CHST3: variants seen among roughly 807,000 people sequenced by gnomAD.
CHST3 encodes the protein carbohydrate sulfotransferase 3, also known as C6ST-1.
In CHST3, 20 loss-of-function variants were observed where a neutral mutation model predicts 35.4. The ratio of observed to expected loss-of-function variants is 0.57; its 90% CI spans 0.40 to 0.82. The LOEUF is 0.82. Among genes scored for constraint, CHST3 ranks in the 40% least tolerant of loss-of-function variants. The pLI, the probability that CHST3 is intolerant of heterozygous loss-of-function variation, is 0.00. For missense variants in CHST3, 693 were observed against 670.1 expected, an observed-to-expected ratio of 1.03 and a Z score of -0.38; for synonymous variants, 334 against 295.9, an observed-to-expected ratio of 1.13 and a Z score of -1.32.
At chr10:71,999,786 G>A (rs1020843904) in intron 1 of CHST3, among the ~76,000 whole-genome samples, 1 of 152,240 alleles carries the variant, frequency 6.6e-6, no homozygotes, top group Non-Finnish European at 1.5e-5. Flanking sequence ...TCACGAGGGA[G>A]GCCTGAGCAG....
At position 72,008,915 on chromosome 10, in the gene CHST3, G is replaced by A. The variant is rs567149313; in HGVS notation, c.*444G>A. The A allele has an allele frequency of 6.2e-6, 1 of 160,356 alleles. No homozygotes were observed. Among genetic ancestry groups the A allele is most frequent in the African/African-American group, 2.4e-5 (1 of 41,686 alleles). 9.9% of individuals were successfully genotyped at this position (160,356 alleles called of 1,614,324 possible). On this transcript the variant is annotated 3_prime_UTR_variant, in exon 3 of 3. Coordinates refer to ENST00000373115, the MANE Select transcript of CHST3 (RefSeq NM_004273.5). ...ATGGTGAAGTCTGGAATCTGGGTGG[G>A]TCCTTGGAGGAGGGGCTAGGACAGC... is the stretch of plus-strand genomic sequence containing the variant.
Position 72,008,387 on chromosome 10 carries a change from C to A in CHST3, c.1356C>A (p.Gly452=). The A allele has an allele frequency of 6.4e-7, 1 of 1,569,780 alleles. No individual in the cohort carries two copies. ...GCGGCCCTGCCATGCGCCTCTTCGGCTACAAACTGGCGCGGGACGCCGCCG... is the reference window on the plus strand; with the variant it reads ...GCGGCCCTGCCATGCGCCTCTTCGGATACAAACTGGCGCGGGACGCCGCCG... ...AACGPAMRLF[G]YKLARDAAAL... Residue 452 remains glycine, a synonymous_variant, in exon 3 of 3, where the codon GGC becomes GGA. Transcript: ENST00000373115.
chr10:72,007,110 G>T, intron 2 of CHST3, 62 bp from the exon 3 acceptor site: 2 of 1,578,234 alleles, frequency 1.3e-6, no homozygotes, highest in Non-Finnish European at 8.6e-7. Context: ...GGACTGCTTA[G>T]GGTTGCCCAG....
intron 1 of CHST3, among the ~76,000 whole-genome samples, chr10:71,997,648 G>C (rs1433298776): frequency 6.6e-6 from 1 of 151,482 alleles, no homozygotes; most frequent in Non-Finnish European, 1.5e-5. Flanking sequence ...GAGAATACCA[G>C]CCTGGGCAAT....
At chr10:71,978,634 C>T (rs924211643) in intron 1 of CHST3, among the ~76,000 whole-genome samples, 4 of 152,216 alleles carry the variant, frequency 2.6e-5, no homozygotes, top group Non-Finnish European at 5.9e-5. Context: ...GTCCTCACAG[C>T]GCTCCCATGT....
At chr10:71,970,780 T>G (rs1049741851) in intron 1 of CHST3, among the ~76,000 whole-genome samples, 1 of 152,236 alleles carries the variant, frequency 6.6e-6, no homozygotes, top group Admixed American at 6.5e-5. Flanking sequence ...CTGAGAAGCT[T>G]TGCTTCTTAA....
At chr10:71,992,389 G>A (rs1839904609) in intron 1 of CHST3, among the ~76,000 whole-genome samples, 1 of 152,028 alleles carries the variant, frequency 6.6e-6, no homozygotes, top group Non-Finnish European at 1.5e-5. Flanking sequence ...TGTTTCCCAG[G>A]CTGGTCTCGA....
chr10:71,967,030 G>A (rs1323303678), intron 1 of CHST3, among the ~76,000 whole-genome samples: 2 of 152,118 alleles, frequency 1.3e-5, no homozygotes, highest in Admixed American at 1.3e-4. Flanking sequence ...TTGAGACAGG[G>A]TCTCTATTGC....
chr10:71,970,984 C>T (rs1330503120), intron 1 of CHST3, among the ~76,000 whole-genome samples: 1 of 152,172 alleles, frequency 6.6e-6, no homozygotes, highest in Non-Finnish European at 1.5e-5. Context: ...CAATGATTTC[C>T]AGAAACTCAA....
chr10:71,987,660 G>T (rs1337436367), intron 1 of CHST3, among the ~76,000 whole-genome samples: 1 of 139,166 alleles, frequency 7.2e-6, no homozygotes, highest in Non-Finnish European at 1.5e-5. Flanking sequence ...AGGTTGCGTT[G>T]AGCCAAGATT....
chr10:71,999,345 G>T (rs1306000383), intron 1 of CHST3, among the ~76,000 whole-genome samples: 1 of 152,218 alleles, frequency 6.6e-6, no homozygotes, highest in African/African-American at 2.4e-5. Flanking sequence ...GCAACAAGGT[G>T]GGGGCAGCCT....
intron 1 of CHST3, among the ~76,000 whole-genome samples, chr10:71,973,322 C>T (rs942774485): frequency 4.6e-5 from 7 of 152,186 alleles, no homozygotes; most frequent in Non-Finnish European, 8.8e-5. Flanking sequence ...TGCCTGCCTG[C>T]CCTGGATGCC....
intron 1 of CHST3, among the ~76,000 whole-genome samples, chr10:72,004,056 A>C (rs953819567): frequency 1.3e-5 from 2 of 151,644 alleles, no homozygotes; most frequent in Non-Finnish European, 2.9e-5. Context: ...CATGCCTATA[A>C]TCCCAGCTAC....
At chr10:71,988,086 A>T (rs1839865627) in intron 1 of CHST3, among the ~76,000 whole-genome samples, 1 of 152,210 alleles carries the variant, frequency 6.6e-6, no homozygotes, top group African/African-American at 2.4e-5. Context: ...ACGTACATGC[A>T]CACATTTCTG....
chr10:72,005,870 G>C lies in CHST3; in HGVS notation c.28G>C (p.Asp10His), dbSNP rs1196835278. Residue 10 changes from aspartate to histidine, a missense_variant, in exon 2 of 3, where the codon GAC becomes CAC. By Grantham distance (81) the Asp-to-His change is moderately conservative. Transcript: ENST00000373115. Reference protein sequence around the residue: MEKGLTLPQDCRDFVHSLKM... With the variant: MEKGLTLPQHCRDFVHSLKM... ...GGAGAAAGGACTCACTTTGCCCCAGGACTGCCGGGACTTTGTGCACAGCCT... is the reference window on the plus strand; with the variant it reads ...GGAGAAAGGACTCACTTTGCCCCAGCACTGCCGGGACTTTGTGCACAGCCT... 3 of 1,614,240 alleles carry C rather than the reference G, an allele frequency of 1.9e-6. No homozygotes were observed. The highest frequency in any genetic ancestry group is 2.2e-5 in the East Asian group (1 of 44,886).
At chr10:71,993,695 G>A (rs545977758) in intron 1 of CHST3, among the ~76,000 whole-genome samples, 4 of 152,326 alleles carry the variant, frequency 2.6e-5, no homozygotes, top group South Asian at 2.1e-4. Flanking sequence ...GGTGGTTCAC[G>A]TCTGTAATCT....
chr10:71,997,245 T>G (rs758337932), intron 1 of CHST3, among the ~76,000 whole-genome samples: 1 of 151,996 alleles, frequency 6.6e-6, no homozygotes, highest in Non-Finnish European at 1.5e-5. Flanking sequence ...CAGACACCCT[T>G]CTGTCTGCCT....
intron 1 of CHST3, among the ~76,000 whole-genome samples, chr10:71,978,316 A>G (rs1839766960): frequency 2.7e-5 from 4 of 150,620 alleles, no homozygotes; most frequent in Non-Finnish European, 5.9e-5. Context: ...CGGTGAGCCG[A>G]GATCACACCA....
At chr10:71,987,703 T>G in intron 1 of CHST3, among the ~76,000 whole-genome samples, 2 of 104,358 alleles carry the variant, frequency 1.9e-5, no homozygotes, top group Admixed American at 1.3e-4. Flanking sequence ...GTAACAAGAG[T>G]GAGACTGTCT....
Sources: allele counts gnomAD v4.1 joint callset (sites outside exome capture counted in the v4.1 genomes callset), GRCh38; gene constraint gnomAD v4.1.1; transcripts MANE v1.5; gene names NCBI Gene and HGNC (gene_info 2026-07-23, HGNC 2026-07-21).